Variants in PRKN observed in about 807,000 individuals in gnomAD.
PRKN encodes E3 ubiquitin-protein ligase parkin.
In PRKN, 56 loss-of-function variants were observed where a neutral mutation model predicts 59.5. The observed-to-expected ratio is 0.94, with a 90% CI of 0.76 to 1.18. The LOEUF (loss-of-function observed/expected upper bound fraction) is 1.18, where lower values mean the gene tolerates loss of function less well. Ranked by LOEUF, PRKN falls within the 50% of genes most tolerant of loss-of-function variation. The pLI, the probability that PRKN is intolerant of heterozygous loss-of-function variation, is 0.00. For missense variants in PRKN, 657 were observed against 596.4 expected (o/e 1.10, Z -1.06); for synonymous variants, 250 against 222.1 (o/e 1.13, Z -1.12).
At chr6:161,637,395 G>C (rs1173800417) in intron 7 of PRKN, among the ~76,000 whole-genome samples, 1 of 151,430 alleles carries the variant, frequency 6.6e-6, no homozygotes, top group Non-Finnish European at 1.5e-5. Flanking sequence ...ACAAAATTGT[G>C]TAAGAACAAA....
intron 2 of PRKN, among the ~76,000 whole-genome samples, chr6:162,321,288 C>T (rs1233919836): frequency 6.6e-6 from 1 of 151,732 alleles, no homozygotes; most frequent in Non-Finnish European, 1.5e-5. Context: ...TTTACAATTC[C>T]TGTAAAGGCT....
chr6:161,441,236 T>C (rs1257981739), intron 9 of PRKN, among the ~76,000 whole-genome samples: 1 of 152,194 alleles, frequency 6.6e-6, no homozygotes, highest in Non-Finnish European at 1.5e-5. Flanking sequence ...TGCTCAGCCA[T>C]CACTGCTCGA....
intron 3 of PRKN, among the ~76,000 whole-genome samples, chr6:162,254,315 G>T (rs1327266244): frequency 1.3e-5 from 2 of 152,054 alleles, no homozygotes; most frequent in East Asian, 3.9e-4. Context: ...AAATTAGCTG[G>T]GCATGGTGGT....
At chr6:162,329,967 A>G (rs1391039556) in intron 2 of PRKN, among the ~76,000 whole-genome samples, 4 of 152,120 alleles carry the variant, frequency 2.6e-5, no homozygotes, top group African/African-American at 9.7e-5. Flanking sequence ...TCAACATCCG[A>G]TTTCTTCTTA....
At chr6:162,471,935 T>C (rs908987883) in intron 1 of PRKN, among the ~76,000 whole-genome samples, 20 of 152,326 alleles carry the variant, frequency 1.3e-4, no homozygotes, top group African/African-American at 4.8e-4. Flanking sequence ...GATCTAACAG[T>C]GCAATCATCA....
Position 162,169,525 on chromosome 6 carries a change from C to A in PRKN, c.534+31606G>T, listed in dbSNP as rs552705729. Among the ~76,000 whole-genome samples the A allele has an allele frequency of 2.0e-4, 30 of 152,264 alleles. 1 individual carries two copies. Among genetic ancestry groups the A allele is most frequent in the African/African-American group, 5.5e-4 (23 of 41,568 alleles). On this transcript the variant is annotated intron_variant, in intron 4 of 11. Transcript: ENST00000366898. ...AAGACTTCTGAAATACTTAGACAAACCATAAATGTGCAAATATTCTATTTC... is the reference window on the plus strand; with the variant it reads ...AAGACTTCTGAAATACTTAGACAAAACATAAATGTGCAAATATTCTATTTC...
chr6:161,457,453 C>A lies in PRKN; in HGVS notation c.1084-70576G>T, dbSNP rs1421157490. Among the ~76,000 whole-genome samples the A allele has an allele frequency of 6.6e-6, 1 of 152,170 alleles. No individual in the cohort carries two copies. Among genetic ancestry groups the A allele is most frequent in the Non-Finnish European group, 1.5e-5 (1 of 68,030 alleles). ...CTCTTCTAATTGCCCTACAATGATA[C>A]AACTGTATTCTGAAAGGATACATGG... On this transcript the variant is annotated intron_variant, in intron 9 of 11. Coordinates refer to ENST00000366898, the MANE Select transcript of PRKN (RefSeq NM_004562.3). This position sits in a 1 kb window ranked among gnomAD's most constrained non-coding sequence, Gnocchi z 5.0.
Position 162,010,941 on chromosome 6 carries a change from A to T in PRKN, c.619-37524T>A, listed in dbSNP as rs1288015198. ...TATATAATATATAATATAATATATA[A>T]TATATAATATATAATTAATATAAAT... On this transcript the variant is annotated intron_variant, in intron 5 of 11. Transcript: ENST00000366898. Among the ~76,000 whole-genome samples the T allele has an allele frequency of 1.4e-4, 3 of 21,902 alleles. 1 individual carries two copies. Among genetic ancestry groups the T allele is most frequent in the Non-Finnish European group, 2.0e-4 (3 of 15,128 alleles). 14.4% of individuals were successfully genotyped at this position (21,902 alleles called of 152,430 possible).
chr6:162,562,404 A>C (rs1358737468), intron 1 of PRKN, among the ~76,000 whole-genome samples: 1 of 152,158 alleles, frequency 6.6e-6, no homozygotes, highest in African/African-American at 2.4e-5. Context: ...TGGGGTCCCC[A>C]GTTCCAGGAC....
chr6:161,798,791 A>G (rs990170394), intron 6 of PRKN, among the ~76,000 whole-genome samples: 2 of 152,146 alleles, frequency 1.3e-5, no homozygotes, highest in Admixed American at 6.5e-5. Context: ...TTCTTTTTTC[A>G]ACTAAGTCAG....
At chr6:162,504,492 C>T (rs1793518569) in intron 1 of PRKN, among the ~76,000 whole-genome samples, 1 of 152,078 alleles carries the variant, frequency 6.6e-6, no homozygotes, top group Non-Finnish European at 1.5e-5. Context: ...GATCAATGGA[C>T]TGGAATAGAA....
chr6:161,930,193 T>C (rs765089705), intron 6 of PRKN, among the ~76,000 whole-genome samples: 3 of 152,194 alleles, frequency 2.0e-5, no homozygotes, highest in Non-Finnish European at 2.9e-5. Flanking sequence ...TATTTATCCA[T>C]AGATGTGAGT....
chr6:161,575,377 A>G lies in PRKN; in HGVS notation c.872-5961T>C, dbSNP rs1781091251. ...GTGTAGCATTTCCACAAAGTCACTG[A>G]CAGCTACTGAGAAAAAGCAACCCCA... On this transcript the variant is annotated intron_variant, in intron 7 of 11. Transcript: ENST00000366898. This position sits in a 1 kb window ranked among gnomAD's most constrained non-coding sequence, Gnocchi z 4.6. Among the ~76,000 whole-genome samples, 1 of 152,192 alleles carries G rather than the reference A, an allele frequency of 6.6e-6. No homozygotes were observed. Among genetic ancestry groups the G allele is most frequent in the Admixed American group, 6.5e-5 (1 of 15,278 alleles).
At chr6:162,366,980 T>C (rs919120285) in intron 2 of PRKN, among the ~76,000 whole-genome samples, 1 of 152,192 alleles carries the variant, frequency 6.6e-6, no homozygotes, top group East Asian at 1.9e-4. Context: ...TACAGTTTGA[T>C]ATGGTTTGGC....
At chr6:162,555,981 C>CAAAAAAAA (rs772336975) in intron 1 of PRKN, among the ~76,000 whole-genome samples, 6,753 of 89,792 alleles carry the variant, frequency 0.075, 534 homozygotes, top group Non-Finnish European at 0.099. Flanking sequence ...AACTCCATCT[C>CAAAAAAAA]AAAAAAAAAA....
chr6:161,991,607 C>T (rs182680834), intron 5 of PRKN, among the ~76,000 whole-genome samples: 77 of 152,108 alleles, frequency 5.1e-4, no homozygotes, highest in Admixed American at 2.7e-3. Flanking sequence ...TTTGGGAGGC[C>T]GAGGCGGGCG....
chr6:161,880,242 A>G (rs1037567963), intron 6 of PRKN, among the ~76,000 whole-genome samples: 1 of 152,220 alleles, frequency 6.6e-6, no homozygotes, highest in Admixed American at 6.5e-5. Context: ...CTTATGCCAC[A>G]TGGCATATGT....
intron 5 of PRKN, among the ~76,000 whole-genome samples, chr6:162,010,100 T>C (rs960461141): frequency 6.7e-6 from 1 of 149,650 alleles, no homozygotes; most frequent in Non-Finnish European, 1.5e-5. Context: ...ATGGGAACAA[T>C]GTCTCTTGTT....
intron 1 of PRKN, among the ~76,000 whole-genome samples, chr6:162,540,208 A>G (rs2128199590): frequency 6.6e-6 from 1 of 152,048 alleles, no homozygotes; most frequent in East Asian, 1.9e-4. Context: ...GAGCCACTGC[A>G]CCCAGCTGAA....
Sources: allele counts gnomAD v4.1 joint callset (sites outside exome capture counted in the v4.1 genomes callset), GRCh38; gene constraint gnomAD v4.1.1; non-coding constraint Gnocchi (gnomAD v3.1); transcripts MANE v1.5; gene names NCBI Gene and HGNC (gene_info 2026-07-23, HGNC 2026-07-21).